PIK3CA: variants seen among roughly 807,000 people sequenced by gnomAD.
PIK3CA encodes phosphatidylinositol-4,5-bisphosphate 3-kinase catalytic subunit alpha, also known as phosphatidylinositol 4,5-bisphosphate 3-kinase catalytic subunit alpha isoform.
Under a neutral mutation model 138.2 loss-of-function variants are expected in PIK3CA, and 27 were observed. That is an observed-to-expected ratio of 0.20 (90% confidence interval 0.14 to 0.27). The LOEUF (loss-of-function observed/expected upper bound fraction) is 0.27, where lower values mean the gene tolerates loss of function less well. Among genes scored for constraint, PIK3CA ranks in the 10% least tolerant of loss-of-function variants. The pLI is 1.00. For synonymous variants in PIK3CA, 358 were observed against 413.2 expected (o/e 0.87, Z 1.62); for missense variants, 544 against 1,277.4 (o/e 0.43, Z 8.75).
intron 1 of PIK3CA, among the ~76,000 whole-genome samples, chr3:179,176,563 C>T (rs1435801445): frequency 7.1e-6 from 1 of 139,882 alleles, no homozygotes; most frequent in Non-Finnish European, 1.5e-5. Flanking sequence ...TGTATTCTAC[C>T]CCTTTTTTAT....
chr3:179,195,957 A>G (rs1724256627), intron 1 of PIK3CA, among the ~76,000 whole-genome samples: 1 of 152,206 alleles, frequency 6.6e-6, no homozygotes, highest in Non-Finnish European at 1.5e-5. Flanking sequence ...CATTCTGTCT[A>G]CCAGAATGTC....
intron 1 of PIK3CA, among the ~76,000 whole-genome samples, chr3:179,192,762 A>G (rs1360820019): frequency 6.6e-6 from 1 of 152,258 alleles, no homozygotes; most frequent in Non-Finnish European, 1.5e-5. Context: ...TATTTACAAA[A>G]GCAAGTGGTG....
intron 1 of PIK3CA, among the ~76,000 whole-genome samples, chr3:179,153,775 T>A (rs1474793762): frequency 3.3e-5 from 5 of 151,848 alleles, no homozygotes; most frequent in Admixed American, 3.3e-4. Context: ...GTGAATTTTA[T>A]AAGTAACTTA....
At position 179,234,301 on chromosome 3, in the gene PIK3CA, T is replaced by C. The variant is rs1725283801; in HGVS notation, c.3144T>C (p.His1048=). ...TGAAACAAATGAATGATGCACATCA[T>C]GGTGGCTGGACAACAAAAATGGATT... ...YFMKQMNDAH[H]GGWTTKMDWI... is the part of the protein sequence containing the mutation. Residue 1048 remains histidine (H), a synonymous_variant, in exon 21 of 21, where the codon CAT becomes CAC. Transcript: ENST00000263967. The surrounding 1 kb of genome is among the most constrained non-coding windows in gnomAD (Gnocchi z 5.1). 2.5e-6 allele frequency: 4 copies of C among 1,613,482 alleles called. No homozygotes were observed. Among genetic ancestry groups the C allele is most frequent in the Middle Eastern group, 1.7e-4 (1 of 6,050 alleles).
In PIK3CA at chr3:179,166,063, A is replaced by AAAAATG. The variant is rs1237665155; in HGVS notation, c.-77+17460_-77+17461insAAAATG. Among the ~76,000 whole-genome samples the AAAAATG allele has an allele frequency of 4.9e-4, 75 of 152,246 alleles. No individual in the cohort carries two copies. In the East Asian group the frequency reaches 0.014, roughly 28 times the overall value. ...TGAAGTCAGGGATGCCATATTTTAG[A>AAAAATG]TCTTTTATTTAATCTTAGAGTAAAA... On this transcript the variant is annotated intron_variant, in intron 1 of 20. Transcript: ENST00000263967.
intron 1 of PIK3CA, among the ~76,000 whole-genome samples, chr3:179,189,353 A>G (rs1254761327): frequency 6.6e-6 from 1 of 152,238 alleles, no homozygotes; most frequent in East Asian, 1.9e-4. Context: ...TAAAGTGACT[A>G]CACATTTCAG....
At position 179,225,801 on chromosome 3, in the gene PIK3CA, T is replaced by G. The variant is rs573587710; in HGVS notation, c.2417-161T>G. On this transcript the variant is annotated intron_variant, in intron 16 of 20. Transcript: ENST00000263967. ...CTTTGAGTGGACATATACACTCATT[T>G]ATAAATTTTTTGAAAAGAAATCAGA... is the stretch of plus-strand genomic sequence containing the variant. Among the ~76,000 whole-genome samples, 3 of 152,272 alleles carry G rather than the reference T, an allele frequency of 2.0e-5. No homozygotes were observed. In the South Asian group the frequency reaches 6.2e-4, roughly 32 times the overall value.
At chr3:179,187,537 CAAAAAAA>C (rs375116506) in intron 1 of PIK3CA, among the ~76,000 whole-genome samples, 1 of 63,342 alleles carries the variant, frequency 1.6e-5, no homozygotes, top group Admixed American at 2.0e-4. Context: ...GACTCCGCCT[CAAAAAAA>C]AAAAAAAAAA....
Position 179,210,236 on chromosome 3 carries a change from C to G in PIK3CA, c.1302C>G (p.Asp434Glu), listed in dbSNP as rs1300954876. The change falls in exon 8 of 21, where the codon GAC becomes GAG. Residue 434 changes from aspartate (D) to glutamate (E), a missense_variant. Around this residue, in one of 14 missense-constraint regions of PIK3CA, gnomAD observed 234 missense variants for 401.3 expected, o/e 0.58. Coordinates refer to ENST00000263967, the MANE Select transcript of PIK3CA (RefSeq NM_006218.4). ...WGNINLFDYT[D>E]TLVSGKMALN... ...ATATAAACTTGTTTGATTACACAGA[C>G]ACTCTAGTATCTGGAAAAATGGCTT... 1.3e-6 allele frequency: 2 copies of G among 1,590,712 alleles called. No individual in the cohort carries two copies. The highest frequency in any genetic ancestry group is 1.7e-6 in the Non-Finnish European group (2 of 1,172,936).
In PIK3CA at chr3:179,179,583, G is replaced by A. The variant is rs192757552; in HGVS notation, c.-76-19167G>A. Among the ~76,000 whole-genome samples the A allele has an allele frequency of 3.9e-3, 600 of 152,280 alleles. 2 individuals carry two copies. The highest frequency in any genetic ancestry group is 5.5e-3 in the Non-Finnish European group (375 of 68,000). ...ATATCTTGTTTTGTGCAGTGGTTAC[G>A]TGGGTGTAAGAAGTTGTCAAAAGTC... On this transcript the variant is annotated intron_variant, in intron 1 of 20. Coordinates refer to ENST00000263967, the MANE Select transcript of PIK3CA (RefSeq NM_006218.4).
At chr3:179,222,250 TAAAAC>T (rs1304041683) in intron 14 of PIK3CA, among the ~76,000 whole-genome samples, 2 of 152,074 alleles carry the variant, frequency 1.3e-5, no homozygotes, top group African/African-American at 2.4e-5. Flanking sequence ...AAAAAAAAAT[TAAAAC>T]AAAGTTATTG....
chr3:179,165,973 A>G (rs1723408733), intron 1 of PIK3CA, among the ~76,000 whole-genome samples: 1 of 152,184 alleles, frequency 6.6e-6, no homozygotes, highest in Non-Finnish European at 1.5e-5. Context: ...CATAGCCTCT[A>G]TTACAACACA....
At chr3:179,185,609 G>T (rs1053013097) in intron 1 of PIK3CA, among the ~76,000 whole-genome samples, 1 of 152,184 alleles carries the variant, frequency 6.6e-6, no homozygotes, top group Non-Finnish European at 1.5e-5. Flanking sequence ...TCCAATGGCA[G>T]TCATAAGCTT....
rs141056214 is a variant in PIK3CA, at chr3:179,173,511, G to A, written c.-77+24908G>A. Among the ~76,000 whole-genome samples, 259 of 151,474 alleles carry A rather than the reference G, an allele frequency of 1.7e-3. 1 individual carries two copies. Among genetic ancestry groups the A allele is most frequent in the African/African-American group, 6.0e-3 (246 of 41,316 alleles). On this transcript the variant is annotated intron_variant, in intron 1 of 20. Coordinates refer to ENST00000263967, the MANE Select transcript of PIK3CA (RefSeq NM_006218.4). Reference sequence around the variant, plus strand: ...GGGGAATGGCAGGAATCCGGGAGGCGGAGCTTGCAGTGAGCCTATATCGTG... The same window carrying A: ...GGGGAATGGCAGGAATCCGGGAGGCAGAGCTTGCAGTGAGCCTATATCGTG...
intron 7 of PIK3CA, 63 bp downstream of exon 7, chr3:179,209,763 T>C: frequency 1.2e-6 from 1 of 848,834 alleles, no homozygotes; most frequent in Non-Finnish European, 1.8e-6. Context: ...TACCGCTGAT[T>C]GAATTTTTTC....
At position 179,230,396 on chromosome 3, in the gene PIK3CA, AAC is replaced by A; in HGVS notation, c.2936+24_2936+25del. On this transcript the variant is annotated intron_variant, in intron 20 of 20. Transcript: ENST00000263967. The surrounding 1 kb of genome is among the most constrained non-coding windows in gnomAD (Gnocchi z 5.4). ...TGAGAGGTGAGCTCGAGCAATTAAA[AAC>A]ACAAAATAAAGAGTTCTGGCTGCTC... 1 of 1,565,942 alleles carries A rather than the reference AAC, an allele frequency of 6.4e-7. No individual in the cohort carries two copies. Among genetic ancestry groups the A allele is most frequent in the Non-Finnish European group, 8.6e-7 (1 of 1,159,832 alleles).
At chr3:179,179,359 A>C (rs1723783552) in intron 1 of PIK3CA, among the ~76,000 whole-genome samples, 1 of 152,230 alleles carries the variant, frequency 6.6e-6, no homozygotes, top group Non-Finnish European at 1.5e-5. Context: ...CACTCTTCTC[A>C]TTCTGTACCT....
At chr3:179,165,089 T>C (rs1723384489) in intron 1 of PIK3CA, among the ~76,000 whole-genome samples, 1 of 152,152 alleles carries the variant, frequency 6.6e-6, no homozygotes, top group African/African-American at 2.4e-5. Context: ...TCTCCTCTTT[T>C]ACTTTCCACA....
intron 1 of PIK3CA, among the ~76,000 whole-genome samples, chr3:179,195,984 C>T (rs1423629330): frequency 6.6e-6 from 1 of 152,124 alleles, no homozygotes; most frequent in Non-Finnish European, 1.5e-5. Context: ...TGCCTGCCTT[C>T]CAGGATCAAC....
Sources: allele counts gnomAD v4.1 joint callset (sites outside exome capture counted in the v4.1 genomes callset), GRCh38; gene constraint gnomAD v4.1.1; regional missense constraint gnomAD v4.1.1; non-coding constraint Gnocchi (gnomAD v3.1); transcripts MANE v1.5; gene names NCBI Gene and HGNC (gene_info 2026-07-23, HGNC 2026-07-21).